The following MAML3 variants were observed in gnomAD, a reference collection of about 807,000 sequenced individuals.
The protein encoded by MAML3 is mastermind-like protein 3.
MAML3 carries 27 observed loss-of-function variants against 101.9 expected under a neutral mutation model. That is an observed-to-expected ratio of 0.27 (90% CI 0.20 to 0.37). The LOEUF is 0.37. Ranked by LOEUF, MAML3 falls within the 10% of genes least tolerant of loss-of-function variation. MAML3 has a pLI of 1.00. For synonymous variants in MAML3, 501 were observed against 555.9 expected, an observed-to-expected ratio of 0.90 and a Z score of 1.39; for missense variants, 1,316 against 1,444.9, an observed-to-expected ratio of 0.91 and a Z score of 1.45.
intron 4 of MAML3, 77 bp downstream of exon 4, chr4:139,725,674 G>T: frequency 7.3e-7 from 1 of 1,366,390 alleles, no homozygotes; most frequent in Non-Finnish European, 1.0e-6. Context: ...AGCCAGTAAG[G>T]CAATGCCTCT....
At chr4:140,117,292 A>G (rs1728532422) in intron 1 of MAML3, among the ~76,000 whole-genome samples, 1 of 152,104 alleles carries the variant, frequency 6.6e-6, no homozygotes, top group Non-Finnish European at 1.5e-5. Context: ...CACACTTACT[A>G]TTCTCTTTCA....
intron 1 of MAML3, among the ~76,000 whole-genome samples, chr4:140,147,421 C>T (rs1394061224): frequency 1.3e-5 from 2 of 152,140 alleles, no homozygotes; most frequent in African/African-American, 4.8e-5. Context: ...GTCAGGAGCA[C>T]CAAAATTAAA....
At chr4:139,911,703 T>C (rs1425668660) in intron 1 of MAML3, among the ~76,000 whole-genome samples, 1 of 152,168 alleles carries the variant, frequency 6.6e-6, no homozygotes, top group Non-Finnish European at 1.5e-5. Flanking sequence ...TGAAAGGTAG[T>C]GCCCTTATAA....
intron 2 of MAML3, among the ~76,000 whole-genome samples, chr4:139,801,633 GGTGTGTGTGGGTGTGTGT>G (rs1293932201): frequency 7.5e-5 from 11 of 146,394 alleles, no homozygotes; most frequent in African/African-American, 1.5e-4. Context: ...GCAGGAACAG[GGTGTGTGTGGGTGTGTGT>G]GTGTGTGTGT....
chr4:140,025,538 G>A, intron 1 of MAML3, among the ~76,000 whole-genome samples: 1 of 152,104 alleles, frequency 6.6e-6, no homozygotes, highest in East Asian at 1.9e-4. Context: ...ACCTGCTAGA[G>A]AAATGCCAGA....
Position 139,849,517 on chromosome 4 carries a change from C to T in MAML3, c.2079+39840G>A, listed in dbSNP as rs550575599. On this transcript the variant is annotated intron_variant, in intron 2 of 4. Transcript: ENST00000509479. Reference sequence around the variant, plus strand: ...TTAAACTGTGCTTCTGGGGTTGGCGCTCCCCAGTTAAGAGGTTATATCATG... The same window carrying T: ...TTAAACTGTGCTTCTGGGGTTGGCGTTCCCCAGTTAAGAGGTTATATCATG... Among the ~76,000 whole-genome samples the T allele has an allele frequency of 6.6e-5, 10 of 152,268 alleles. No homozygotes were observed. In the East Asian group the frequency reaches 1.9e-3, roughly 29 times the overall value.
intron 4 of MAML3, among the ~76,000 whole-genome samples, 168 bp from the exon 5 acceptor site, chr4:139,720,491 C>T (rs1418395279): frequency 6.6e-6 from 1 of 152,148 alleles, no homozygotes; most frequent in Non-Finnish European, 1.5e-5. Flanking sequence ...ATAGCATATG[C>T]TGATTGTGAA....
chr4:140,062,036 A>G (rs1727455947), intron 1 of MAML3, among the ~76,000 whole-genome samples: 1 of 152,222 alleles, frequency 6.6e-6, no homozygotes, highest in South Asian at 2.1e-4. Flanking sequence ...AGCATTGTCA[A>G]GTAGGAACAG....
chr4:140,086,420 T>C (rs1407931945), intron 1 of MAML3, among the ~76,000 whole-genome samples: 1 of 152,208 alleles, frequency 6.6e-6, no homozygotes, highest in African/African-American at 2.4e-5. Context: ...TGTCTCGTCG[T>C]CCAAATGCTT....
intron 1 of MAML3, among the ~76,000 whole-genome samples, chr4:140,053,173 T>C (rs1727296477): frequency 6.6e-6 from 1 of 151,706 alleles, no homozygotes; most frequent in African/African-American, 2.4e-5. Flanking sequence ...CGACAACTGG[T>C]GCTCCTGGTT....
At chr4:139,867,429 G>C (rs912099332) in intron 2 of MAML3, among the ~76,000 whole-genome samples, 2 of 152,190 alleles carry the variant, frequency 1.3e-5, no homozygotes, top group Admixed American at 6.5e-5. Flanking sequence ...TACCAGCTTT[G>C]GTAAGCAGAA....
intron 1 of MAML3, among the ~76,000 whole-genome samples, chr4:139,931,639 C>A (rs1733396852): frequency 1.3e-5 from 2 of 152,062 alleles, no homozygotes; most frequent in South Asian, 4.1e-4. Flanking sequence ...AACTTCTGCC[C>A]CAGGCTCAAC....
At position 139,864,855 on chromosome 4, in the gene MAML3, G is replaced by A. The variant is rs999742908; in HGVS notation, c.2079+24502C>T. 2.0e-4 allele frequency among the ~76,000 whole-genome samples: 29 copies of A among 141,546 alleles called. No homozygotes were observed. In the Admixed American group the frequency reaches 2.1e-3, roughly 10 times the overall value. The allele number at this position is 141,546 out of a possible 152,430, so 92.9% of individuals were successfully genotyped here. On this transcript the variant is annotated intron_variant, in intron 2 of 4. Coordinates refer to ENST00000509479, the MANE Select transcript of MAML3 (RefSeq NM_018717.5). ...CAAGGAATCTCAAATTCTCTGACTA[G>A]TAAGCTGATCAGAAAAAAAGTGAAA...
chr4:139,964,134 G>T (rs966417522), intron 1 of MAML3, among the ~76,000 whole-genome samples: 1 of 152,142 alleles, frequency 6.6e-6, no homozygotes, highest in Non-Finnish European at 1.5e-5. Context: ...CTACTATAAA[G>T]ACACATACGT....
chr4:139,947,151 C>T (rs1258929825), intron 1 of MAML3, among the ~76,000 whole-genome samples: 1 of 152,118 alleles, frequency 6.6e-6, no homozygotes, highest in African/African-American at 2.4e-5. Flanking sequence ...ATACAGTAGA[C>T]ATGAAAATTG....
chr4:139,794,114 T>C (rs976664881), intron 2 of MAML3: 2 of 152,256 alleles, frequency 1.3e-5, no homozygotes, highest in East Asian at 1.9e-4. Flanking sequence ...GATTACACTG[T>C]ACTTACTTCA....
At chr4:140,070,377 T>C (rs564313348) in intron 1 of MAML3, among the ~76,000 whole-genome samples, 2 of 152,350 alleles carry the variant, frequency 1.3e-5, no homozygotes, top group African/African-American at 4.8e-5. Flanking sequence ...ATTTTAATCT[T>C]TAGTAAGCCT....
chr4:139,996,609 ATTTTTTAC>A (rs1178433478), intron 1 of MAML3, among the ~76,000 whole-genome samples: 3 of 151,922 alleles, frequency 2.0e-5, no homozygotes, highest in African/African-American at 4.8e-5. Flanking sequence ...ATAGCAAATG[ATTTTTTAC>A]TTTTTTACTT....
At chr4:140,012,052 A>G (rs930374948) in intron 1 of MAML3, among the ~76,000 whole-genome samples, 4 of 152,230 alleles carry the variant, frequency 2.6e-5, no homozygotes, top group South Asian at 4.1e-4. Context: ...GCAATTACCT[A>G]TTATGTAATG....
Sources: allele counts gnomAD v4.1 joint callset (sites outside exome capture counted in the v4.1 genomes callset), GRCh38; gene constraint gnomAD v4.1.1; transcripts MANE v1.5; gene names NCBI Gene and HGNC (gene_info 2026-07-23, HGNC 2026-07-21).